The following STAB2 variants were observed in gnomAD, a reference collection of about 807,000 sequenced individuals.
STAB2 encodes the protein stabilin-2.
STAB2 carries 288 observed loss-of-function variants against 338.1 expected under a neutral mutation model. That is an observed-to-expected ratio of 0.85 (90% CI 0.77 to 0.94). STAB2 has a LOEUF of 0.94. Ranked by LOEUF, STAB2 falls within the 40% of genes least tolerant of loss-of-function variation. STAB2 has a pLI of 0.00. For missense variants in STAB2, 3,141 were observed against 3,210.1 expected (o/e 0.98, Z 0.52); for synonymous variants, 1,202 against 1,193.3 (o/e 1.01, Z -0.15).
Position 103,616,154 on chromosome 12 carries a change from A to G in STAB2, c.332-4314A>G, listed in dbSNP as rs112370828. 3.2e-4 allele frequency among the ~76,000 whole-genome samples: 48 copies of G among 152,302 alleles called. 1 individual carries two copies. Among genetic ancestry groups the G allele is most frequent in the African/African-American group, 1.1e-3 (46 of 41,572 alleles). ...AGAAGAATGTCCAGACTTCCTAAAC[A>G]CAAGGTCACACTCTTGGGAGCTTGG... is the stretch of plus-strand genomic sequence containing the variant. On this transcript the variant is annotated intron_variant, in intron 3 of 68. Coordinates refer to ENST00000388887, the MANE Select transcript of STAB2 (RefSeq NM_017564.10).
chr12:103,661,505 T>C (rs946396485), intron 17 of STAB2, among the ~76,000 whole-genome samples: 3 of 152,202 alleles, frequency 2.0e-5, no homozygotes, highest in South Asian at 4.1e-4. Context: ...CCTGGTTGTA[T>C]GGAAATTTCA....
intron 25 of STAB2, among the ~76,000 whole-genome samples, chr12:103,681,141 C>T (rs1486301042): frequency 6.6e-6 from 1 of 152,236 alleles, no homozygotes; most frequent in Non-Finnish European, 1.5e-5. Flanking sequence ...GACAGCAGAG[C>T]CTGCTCATGG....
At chr12:103,632,543 C>T (rs759477446) in intron 6 of STAB2, among the ~76,000 whole-genome samples, 8 of 152,100 alleles carry the variant, frequency 5.3e-5, no homozygotes, top group Non-Finnish European at 1.0e-4. Flanking sequence ...AATCAGGGGC[C>T]TCTCAGGCAA....
At chr12:103,711,238 C>A in intron 39 of STAB2, 1 of 579,302 alleles carries the variant, frequency 1.7e-6, no homozygotes, top group Non-Finnish European at 3.1e-6. Context: ...TCCTCACTGC[C>A]TAGCACAGGG....
At chr12:103,711,565 C>A (rs1383251387) in intron 40 of STAB2, 49 bp downstream of exon 40, 1 of 1,602,480 alleles carries the variant, frequency 6.2e-7, no homozygotes, top group Non-Finnish European at 8.5e-7. Context: ...GGGATTTTTT[C>A]CCAATATTGT....
intron 3 of STAB2, among the ~76,000 whole-genome samples, chr12:103,601,161 T>C (rs1956948506): frequency 8.2e-6 from 1 of 121,442 alleles, no homozygotes; most frequent in Non-Finnish European, 1.7e-5. Context: ...TTCATAAGGC[T>C]ATTGTGAGGA....
At chr12:103,631,469 A>T (rs1431302811) in intron 5 of STAB2, 129 bp from the exon 6 acceptor site, 1 of 827,124 alleles carries the variant, frequency 1.2e-6, no homozygotes, top group Non-Finnish European at 1.9e-6. Context: ...GTGCTGATAA[A>T]AGAGAGAGGA....
chr12:103,592,917 A>G (rs1956821646), intron 2 of STAB2, among the ~76,000 whole-genome samples: 1 of 152,138 alleles, frequency 6.6e-6, no homozygotes, highest in South Asian at 2.1e-4. Flanking sequence ...ATCATATAGT[A>G]TCTGTTCTTC....
intron 31 of STAB2, among the ~76,000 whole-genome samples, chr12:103,693,725 C>CTACCCTGCA (rs1310794243): frequency 6.6e-6 from 1 of 152,064 alleles, no homozygotes; most frequent in Non-Finnish European, 1.5e-5. Flanking sequence ...GGATTGTAAG[C>CTACCCTGCA]TACCCTGCAA....
chr12:103,763,807 G>T, intron 68 of STAB2, 199 bp downstream of exon 68: 1 of 509,780 alleles, frequency 2.0e-6, no homozygotes, highest in Non-Finnish European at 3.5e-6. Context: ...CTCTTGGGTA[G>T]ACAGCAGAAT....
At chr12:103,617,070 C>A (rs983589673) in intron 3 of STAB2, among the ~76,000 whole-genome samples, 2 of 152,192 alleles carry the variant, frequency 1.3e-5, no homozygotes, top group African/African-American at 4.8e-5. Flanking sequence ...GAGATCAGAT[C>A]TAAACCAACT....
intron 6 of STAB2, among the ~76,000 whole-genome samples, chr12:103,633,588 G>A (rs373166859): frequency 5.3e-5 from 8 of 152,152 alleles, no homozygotes; most frequent in Admixed American, 2.0e-4. Context: ...AGGCTGACCC[G>A]GGAGAATCGC....
rs1415267107 is a variant in STAB2, at chr12:103,669,645, G to A, written c.2259+18G>A. Reference sequence around the variant, plus strand: ...ATGGACAGGTGAATACTGAAGACTGGCCTTCCATAAGTCAAATCAAACAAT... The same window carrying A: ...ATGGACAGGTGAATACTGAAGACTGACCTTCCATAAGTCAAATCAAACAAT... On this transcript the variant is annotated intron_variant, in intron 21 of 68. Transcript: ENST00000388887. The A allele has an allele frequency of 1.8e-5, 29 of 1,605,536 alleles. No homozygotes were observed. The highest frequency in any genetic ancestry group is 2.5e-5 in the Non-Finnish European group (29 of 1,172,710).
rs754736164 is a variant in STAB2 at position 103,648,855 on chromosome 12, A to G, written c.1174+32A>G. The G allele has an allele frequency of 4.4e-6, 7 of 1,605,574 alleles. No individual in the cohort carries two copies. In the East Asian group the frequency reaches 1.3e-4, roughly 31 times the overall value. ...AGCTATGGGTACAGATTTCCACACA[A>G]AAGTCCTCTTTCAGGAAAGGGCATC... On this transcript the variant is annotated intron_variant, in intron 10 of 68. Coordinates refer to ENST00000388887, the MANE Select transcript of STAB2 (RefSeq NM_017564.10).
In STAB2 at chr12:103,728,933, C is replaced by G. The variant is rs1379755541; in HGVS notation, c.5020C>G (p.Leu1674Val). The G allele has an allele frequency of 6.2e-7, 1 of 1,613,980 alleles. No individual in the cohort carries two copies. Among genetic ancestry groups the G allele is most frequent in the African/African-American group, 1.3e-5 (1 of 75,034 alleles). ...VACHQLLLEN[L>V]KLISNATSLQ... ...CTGCCACCAGCTGCTTCTGGAAAAC[C>G]TGAAATTGATCTCAAATGCTACTTC... Residue 1674 changes from leucine to valine, a missense_variant, in exon 48 of 69, where the codon CTG becomes GTG. Physicochemically the swap from Leu to Val is conservative, Grantham distance 32. Coordinates refer to ENST00000388887, the MANE Select transcript of STAB2 (RefSeq NM_017564.10).
rs374458529 is a variant in STAB2 at position 103,763,317 on chromosome 12, G to A, written c.7489-175G>A. ...GGGCAGACATCGGTAAGATGTCACT[G>A]AGCTGAATCTAAAGGTTGGTAAATT... On this transcript the variant is annotated intron_variant, in intron 67 of 68. Coordinates refer to ENST00000388887, the MANE Select transcript of STAB2 (RefSeq NM_017564.10). 9.5e-6 allele frequency: 6 copies of A among 633,336 alleles called. No individual in the cohort carries two copies. The East Asian group carries it at 1.1e-4, about 11-fold the overall frequency. 39.2% of individuals were successfully genotyped at this position (633,336 alleles called of 1,614,324 possible).
At chr12:103,682,501 C>A (rs545080206) in intron 25 of STAB2, among the ~76,000 whole-genome samples, 1 of 152,352 alleles carries the variant, frequency 6.6e-6, no homozygotes, top group African/African-American at 2.4e-5. Context: ...AAGTGCCTTA[C>A]AGGCTAGCAA....
chr12:103,637,269 AT>A (rs1437602104), intron 7 of STAB2, 33 bp downstream of exon 7: 1 of 1,597,170 alleles, frequency 6.3e-7, no homozygotes, highest in Non-Finnish European at 8.5e-7. Context: ...TAGTTTATTC[AT>A]TGAGATGTTT....
chr12:103,693,192 G>A (rs902247261), intron 31 of STAB2, among the ~76,000 whole-genome samples: 19 of 152,052 alleles, frequency 1.2e-4, no homozygotes, highest in Non-Finnish European at 2.5e-4. Flanking sequence ...TGTGGCTCAC[G>A]CCTATAATCC....
Sources: gnomAD v4.1 joint callset for allele counts (sites outside exome capture counted in the v4.1 genomes callset) on GRCh38, gnomAD v4.1.1 for gene constraint, MANE v1.5 for transcripts, NCBI Gene and HGNC (gene_info 2026-07-23, HGNC 2026-07-21) for gene names.